MAST2: variants seen among roughly 807,000 people sequenced by gnomAD.
The protein encoded by MAST2 is microtubule-associated serine/threonine-protein kinase 2.
In MAST2, 70 loss-of-function variants were observed where a neutral mutation model predicts 147.4. The observed-to-expected ratio is 0.47, with a 90% CI of 0.39 to 0.58. The LOEUF (loss-of-function observed/expected upper bound fraction) is 0.58. Ranked by LOEUF, MAST2 falls within the 20% of genes least tolerant of loss-of-function variation. The pLI is 0.00. For synonymous variants in MAST2, 869 were observed against 896.8 expected (o/e 0.97, Z 0.55); for missense variants, 2,080 against 2,302.3 (o/e 0.90, Z 1.98).
chr1:45,961,396 A>G (rs1660396508), intron 5 of MAST2, among the ~76,000 whole-genome samples: 2 of 152,228 alleles, frequency 1.3e-5, no homozygotes, highest in Non-Finnish European at 2.9e-5. Flanking sequence ...TAATGTGAGT[A>G]CTGAGCAGTA....
chr1:45,861,349 A>C (rs1645974044), intron 3 of MAST2, among the ~76,000 whole-genome samples: 1 of 152,156 alleles, frequency 6.6e-6, no homozygotes, highest in Non-Finnish European at 1.5e-5. Context: ...GTCAGTCCTT[A>C]ACGCTGCTTA....
chr1:45,807,472 T>G (rs1350395860), intron 1 of MAST2, among the ~76,000 whole-genome samples: 6 of 152,206 alleles, frequency 3.9e-5, no homozygotes, highest in Admixed American at 3.9e-4. Context: ...CCTCTTTCCT[T>G]AGCTCTACAT....
In MAST2 at chr1:46,023,642, A is replaced by C. The variant is rs186022671; in HGVS notation, c.1572-130A>C. On this transcript the variant is annotated intron_variant, in intron 14 of 28. Transcript: ENST00000361297. The surrounding 1 kb of genome is among the most constrained non-coding windows in gnomAD (Gnocchi z 4.9). ...GACCAGGGGGTCCCAGACCCTTCTC[A>C]CTGATATGCATGCCCTTGCCCCCTT... 1.4e-4 allele frequency: 110 copies of C among 798,148 alleles called. No individual in the cohort carries two copies. The highest frequency in any genetic ancestry group is 4.7e-4 in the Admixed American group (19 of 40,492). The allele number at this position is 798,148 out of a possible 1,614,324, so 49.4% of individuals were successfully genotyped here. A position where few individuals can be genotyped will look rare whatever the true frequency, so the allele number is the denominator to read the frequency against.
intron 5 of MAST2, among the ~76,000 whole-genome samples, chr1:45,983,866 C>T (rs1198127048): frequency 1.3e-5 from 2 of 152,162 alleles, no homozygotes; most frequent in African/African-American, 4.8e-5. Flanking sequence ...GGGGCACAAA[C>T]ACTCTTTTTA....
At chr1:45,932,429 C>T (rs1655460479) in intron 4 of MAST2, among the ~76,000 whole-genome samples, 1 of 152,124 alleles carries the variant, frequency 6.6e-6, no homozygotes, top group Non-Finnish European at 1.5e-5. Context: ...CACCTGTAAT[C>T]CCAGCACTTT....
intron 5 of MAST2, among the ~76,000 whole-genome samples, chr1:45,987,776 G>GTTTTTTTTTTTTTTTTTTT (rs1644692974): frequency 2.9e-4 from 9 of 30,706 alleles, no homozygotes; most frequent in East Asian, 1.6e-3. Context: ...TTTTTTTTTT[G>GTTTTTTTTTTTTTTTTTTT]ATTTTTTTTT....
chr1:45,926,420 T>TACC (rs1218883063), intron 4 of MAST2, among the ~76,000 whole-genome samples: 9 of 134,890 alleles, frequency 6.7e-5, no homozygotes, highest in African/African-American at 2.2e-4. Flanking sequence ...TTCCCTTGGA[T>TACC]ATATTGCCTA....
chr1:45,936,173 A>G (rs1381996150), intron 4 of MAST2, among the ~76,000 whole-genome samples: 1 of 152,112 alleles, frequency 6.6e-6, no homozygotes, highest in Non-Finnish European at 1.5e-5. Flanking sequence ...TTGGGATTTC[A>G]TTCTGGATTT....
chr1:45,949,672 G>C (rs1370499942), intron 4 of MAST2, among the ~76,000 whole-genome samples: 1 of 152,104 alleles, frequency 6.6e-6, no homozygotes, highest in Admixed American at 6.5e-5. Flanking sequence ...ATTCCTCAAA[G>C]AGCTAAAAGC....
At chr1:46,034,495 C>T in intron 28 of MAST2, 43 bp from the exon 29 acceptor site, 1 of 1,576,798 alleles carries the variant, frequency 6.3e-7, no homozygotes, top group Non-Finnish European at 8.7e-7. Flanking sequence ...ACAGCTAACA[C>T]TGCTCTGCTT....
intron 5 of MAST2, 52 bp downstream of exon 5, chr1:45,959,529 C>A: frequency 6.9e-7 from 1 of 1,446,478 alleles, no homozygotes; most frequent in South Asian, 1.2e-5. Flanking sequence ...CCACAGATGC[C>A]CAATTTCTTT....
At chr1:45,942,911 G>A (rs1350925471) in intron 4 of MAST2, among the ~76,000 whole-genome samples, 3 of 152,142 alleles carry the variant, frequency 2.0e-5, no homozygotes, top group Non-Finnish European at 2.9e-5. Context: ...AGTGTCTTTA[G>A]CCAAAGTGGC....
chr1:45,920,597 G>A (rs6657720), intron 4 of MAST2, among the ~76,000 whole-genome samples: 51,536 of 152,016 alleles, frequency 0.34, 9,111 homozygotes, highest in African/African-American at 0.43. Flanking sequence ...TCATGCTTCT[G>A]TCATTAGTTG....
intron 3 of MAST2, among the ~76,000 whole-genome samples, chr1:45,870,304 A>T (rs1646331268): frequency 6.6e-6 from 1 of 152,144 alleles, no homozygotes; most frequent in South Asian, 2.1e-4. Context: ...TATTTGAGGT[A>T]TATAACATTT....
intron 1 of MAST2, among the ~76,000 whole-genome samples, chr1:45,813,669 TTA>T (rs1644369124): frequency 6.6e-6 from 1 of 152,048 alleles, no homozygotes; most frequent in Admixed American, 6.6e-5. Context: ...TGGCTAATTT[TTA>T]TATTTTTAGT....
Position 46,032,298 on chromosome 1 carries a change from C to T in MAST2, c.3308C>T (p.Pro1103Leu). 1 of 1,614,210 alleles carries T rather than the reference C, an allele frequency of 6.2e-7. No individual in the cohort carries two copies. The highest frequency in any genetic ancestry group is 8.5e-7 in the Non-Finnish European group (1 of 1,180,042). ...DFLPALGSMR[P>L]PIIIHRAGKK... ...TTGCCAGCCCTTGGCAGCATGAGGC[C>T]TCCCATCATCATCCACCGAGCTGGC... Residue 1103 changes from proline (P) to leucine (L), a missense_variant, in exon 25 of 29, where the codon CCT becomes CTT. Coordinates refer to ENST00000361297, the MANE Select transcript of MAST2 (RefSeq NM_015112.3).
chr1:45,926,184 C>T (rs1457049524), intron 4 of MAST2, among the ~76,000 whole-genome samples: 1 of 152,130 alleles, frequency 6.6e-6, no homozygotes, highest in Non-Finnish European at 1.5e-5. Flanking sequence ...CTTTCTACCT[C>T]AGTTCTCTTC....
intron 16 of MAST2, among the ~76,000 whole-genome samples, chr1:46,027,498 T>C (rs1321637307): frequency 6.6e-6 from 1 of 152,090 alleles, no homozygotes; most frequent in Non-Finnish European, 1.5e-5. Flanking sequence ...TAAGCAGAAA[T>C]GGAGTTGTGG....
intron 1 of MAST2, among the ~76,000 whole-genome samples, chr1:45,815,450 G>A (rs970503478): frequency 6.6e-6 from 1 of 152,154 alleles, no homozygotes; most frequent in Non-Finnish European, 1.5e-5. Flanking sequence ...GATTACAGGT[G>A]TGAGCCACCG....
Sources: allele counts gnomAD v4.1 joint callset (sites outside exome capture counted in the v4.1 genomes callset), GRCh38; gene constraint gnomAD v4.1.1; non-coding constraint Gnocchi (gnomAD v3.1); transcripts MANE v1.5; gene names NCBI Gene and HGNC (gene_info 2026-07-23, HGNC 2026-07-21).